RBFOX1: variants seen among roughly 807,000 people sequenced by gnomAD.
The protein encoded by RBFOX1 is RNA binding fox-1 homolog 1, also known as RNA binding protein fox-1 homolog 1.
Under a neutral mutation model 57.7 loss-of-function variants are expected in RBFOX1, and 8 were observed. That is an observed-to-expected ratio of 0.14 (90% CI 0.08 to 0.25). The LOEUF is 0.25. RBFOX1 is among the 10% of genes least tolerant of loss of function. RBFOX1 has a pLI of 1.00. For missense variants in RBFOX1, 611 were observed against 548.5 expected (o/e 1.11, Z -1.14); for synonymous variants, 326 against 222.4 (o/e 1.47, Z -4.15).
At chr16:7,123,077 C>G in intron 4 of RBFOX1, among the ~76,000 whole-genome samples, 1 of 152,086 alleles carries the variant, frequency 6.6e-6, no homozygotes, top group Non-Finnish European at 1.5e-5. Flanking sequence ...ATGAATAGCA[C>G]AAGAGAGTTT....
intron 1 of RBFOX1, among the ~76,000 whole-genome samples, chr16:5,412,934 G>C (rs140603564): frequency 6.6e-6 from 1 of 152,202 alleles, no homozygotes; most frequent in Non-Finnish European, 1.5e-5. Context: ...CTGCATGAGC[G>C]TTACGGTTGA....
intron 4 of RBFOX1, among the ~76,000 whole-genome samples, chr16:7,070,995 T>A (rs574709773): frequency 6.6e-6 from 1 of 152,270 alleles, no homozygotes; most frequent in African/African-American, 2.4e-5. Context: ...TGTTGTCAAG[T>A]TGTCCTCAAG....
At chr16:5,657,866 G>C (rs1305127075) in intron 3 of RBFOX1, among the ~76,000 whole-genome samples, 1 of 150,632 alleles carries the variant, frequency 6.6e-6, no homozygotes, top group Non-Finnish European at 1.5e-5. Context: ...CAGGTAGCTG[G>C]GATTACAGGC....
chr16:6,941,761 G>C (rs1021871274), intron 3 of RBFOX1, among the ~76,000 whole-genome samples: 2 of 152,206 alleles, frequency 1.3e-5, no homozygotes, highest in Non-Finnish European at 2.9e-5. Context: ...TACCAAGCAA[G>C]AGGTAGAAGG....
intron 3 of RBFOX1, among the ~76,000 whole-genome samples, chr16:5,724,424 G>A (rs4548869): frequency 1.4e-4 from 22 of 152,074 alleles, no homozygotes; most frequent in African/African-American, 5.3e-4. Context: ...GGCTTCCCTT[G>A]AGTCTCTATG....
At chr16:5,895,833 C>T (rs1162595422) in intron 4 of RBFOX1, among the ~76,000 whole-genome samples, 2 of 152,134 alleles carry the variant, frequency 1.3e-5, no homozygotes, top group East Asian at 3.9e-4. Flanking sequence ...GTATTATAAA[C>T]GGAAAGCGAT....
chr16:5,959,464 C>A (rs575495140), intron 4 of RBFOX1, among the ~76,000 whole-genome samples: 5 of 152,136 alleles, frequency 3.3e-5, no homozygotes, highest in African/African-American at 1.2e-4. Context: ...CAGGAACATA[C>A]AATGACAGGG....
intron 2 of RBFOX1, among the ~76,000 whole-genome samples, chr16:6,503,827 T>C (rs912164728): frequency 6.6e-6 from 1 of 152,140 alleles, no homozygotes; most frequent in African/African-American, 2.4e-5. Context: ...CAAATGGGGA[T>C]GGGATAAGTT....
At chr16:6,483,711 G>A (rs1316834337) in intron 2 of RBFOX1, 1 of 1,427,632 alleles carries the variant, frequency 7.0e-7, no homozygotes, top group Admixed American at 2.5e-5. Context: ...ACAGGGGGAG[G>A]AGTGTGCAAA....
At chr16:7,499,808 C>T (rs963626286) in intron 4 of RBFOX1, among the ~76,000 whole-genome samples, 7 of 151,762 alleles carry the variant, frequency 4.6e-5, no homozygotes, top group Non-Finnish European at 7.4e-5. Context: ...ATCTACTTCG[C>T]AGTTGTTGAG....
chr16:7,188,028 T>G (rs1313588881), intron 4 of RBFOX1, among the ~76,000 whole-genome samples: 1 of 152,196 alleles, frequency 6.6e-6, no homozygotes. Flanking sequence ...GATAGTGAGA[T>G]TATAGGCCAT....
At chr16:5,861,651 T>A (rs9940450) in intron 3 of RBFOX1, among the ~76,000 whole-genome samples, 66,945 of 151,938 alleles carry the variant, frequency 0.44, 15,016 homozygotes, top group African/African-American at 0.53. Flanking sequence ...GGACTCCCCC[T>A]AATCCACCCA....
In RBFOX1 at chr16:6,999,224, TA is replaced by T. The variant is rs199708982; in HGVS notation, c.-15-52832del. ...ATTTTTTATTTTTATTTATTTTTTT[TA>T]TTTATTTTTTTTTTTAGAGATCAGG... is the stretch of plus-strand genomic sequence containing the variant. On this transcript the variant is annotated intron_variant, in intron 3 of 15. Transcript: ENST00000550418. Among the ~76,000 whole-genome samples, 578 of 99,298 alleles carry T rather than the reference TA, an allele frequency of 5.8e-3. 12 individuals are homozygous for T. Among genetic ancestry groups the T allele is most frequent in the Non-Finnish European group, 8.2e-3 (353 of 43,126 alleles). The allele number at this position is 99,298 out of a possible 152,430, so 65.1% of individuals were successfully genotyped here. A position where few individuals can be genotyped will look rare whatever the true frequency, so the allele number is the denominator to read the frequency against.
At chr16:7,246,381 T>A (rs1425039704) in intron 4 of RBFOX1, among the ~76,000 whole-genome samples, 1 of 152,194 alleles carries the variant, frequency 6.6e-6, no homozygotes, top group Non-Finnish European at 1.5e-5. Flanking sequence ...GAGATTGTTC[T>A]GAAGTGATAA....
rs74784629 is a variant in RBFOX1 at position 7,194,230 on chromosome 16, G to C, written c.27+142132G>C. ...GGAAGCCTCCGGCTCAGTGTCTACAGGTAATGGTTGTTAGATTTTAATAAC... is the reference window on the plus strand; with the variant it reads ...GGAAGCCTCCGGCTCAGTGTCTACACGTAATGGTTGTTAGATTTTAATAAC... On this transcript the variant is annotated intron_variant, in intron 4 of 15. Transcript: ENST00000550418. Among the ~76,000 whole-genome samples the C allele has an allele frequency of 5.1e-4, 78 of 152,298 alleles. 2 individuals carry two copies. The East Asian group carries it at 0.014, about 28-fold the overall frequency.
At chr16:6,601,737 G>A (rs1025096317) in intron 2 of RBFOX1, among the ~76,000 whole-genome samples, 2 of 152,006 alleles carry the variant, frequency 1.3e-5, no homozygotes, top group Non-Finnish European at 2.9e-5. Context: ...ATTTGTTGAG[G>A]TCAAGAGCAA....
chr16:7,662,945 C>G (rs2068142776), intron 12 of RBFOX1, among the ~76,000 whole-genome samples: 1 of 152,248 alleles, frequency 6.6e-6, no homozygotes, highest in South Asian at 2.1e-4. Flanking sequence ...TGCCCATGTG[C>G]TTCCCATCTA....
chr16:5,632,223 G>A lies in RBFOX1; in HGVS notation c.318+33262G>A, dbSNP rs1282498660. Among the ~76,000 whole-genome samples, 5 of 152,160 alleles carry A rather than the reference G, an allele frequency of 3.3e-5. No homozygotes were observed. In the South Asian group the frequency reaches 1.0e-3, roughly 32 times the overall value. ...ATAATTATTATTCTGTATTAGAGAC[G>A]ATGTCATGAGACAACTAGCCACAGT... On this transcript the variant is annotated intron_variant, in intron 3 of 19. Transcript: ENST00000641259.
At chr16:6,880,593 A>G (rs1347382276) in intron 3 of RBFOX1, among the ~76,000 whole-genome samples, 2 of 152,110 alleles carry the variant, frequency 1.3e-5, no homozygotes, top group Admixed American at 6.5e-5. Context: ...TTCTTTCTGG[A>G]CTGTCTGAAA....
Sources: allele counts gnomAD v4.1 joint callset (sites outside exome capture counted in the v4.1 genomes callset), GRCh38; gene constraint gnomAD v4.1.1; transcripts MANE v1.5; gene names NCBI Gene and HGNC (gene_info 2026-07-23, HGNC 2026-07-21).